The following CSMD1 variants were observed in gnomAD, a reference collection of about 807,000 sequenced individuals.
CSMD1 encodes CUB and sushi domain-containing protein 1.
A neutral mutation model predicts 417.5 loss-of-function variants in CSMD1; 213 were observed. The observed-to-expected ratio is 0.51, with a 90% CI of 0.46 to 0.57. The LOEUF (loss-of-function observed/expected upper bound fraction) is 0.57, where lower values mean the gene tolerates loss of function less well. Among genes scored for constraint, CSMD1 ranks in the 20% least tolerant of loss-of-function variants. CSMD1 has a pLI of 0.00. For missense variants in CSMD1, 6,923 were observed against 4,529.7 expected, an observed-to-expected ratio of 1.53 and a Z score of -15.17; for synonymous variants, 2,862 against 1,736.8, an observed-to-expected ratio of 1.65 and a Z score of -16.11.
At chr8:4,143,473 T>C (rs1803919044) in intron 3 of CSMD1, among the ~76,000 whole-genome samples, 1 of 150,700 alleles carries the variant, frequency 6.6e-6, no homozygotes, top group African/African-American at 2.5e-5. Flanking sequence ...AGGTGTTTAA[T>C]ATATGGCTCA....
At chr8:3,398,493 C>T (rs1307678735) in intron 16 of CSMD1, among the ~76,000 whole-genome samples, 4 of 152,062 alleles carry the variant, frequency 2.6e-5, no homozygotes, top group Non-Finnish European at 4.4e-5. Context: ...AAAACCTTTC[C>T]TGTGTTGATG....
chr8:4,035,978 T>A (rs894460067), intron 3 of CSMD1, among the ~76,000 whole-genome samples: 5 of 151,926 alleles, frequency 3.3e-5, no homozygotes, highest in Admixed American at 6.6e-5. Context: ...AGTGTAACAC[T>A]TTTTTTTATT....
intron 33 of CSMD1, among the ~76,000 whole-genome samples, chr8:3,192,944 A>C (rs561408164): frequency 9.2e-5 from 14 of 152,286 alleles, no homozygotes; most frequent in African/African-American, 3.4e-4. Flanking sequence ...GAAGAAAAAA[A>C]AAAAGATATC....
At chr8:4,937,556 T>C (rs1585366381) in intron 1 of CSMD1, among the ~76,000 whole-genome samples, 1 of 152,194 alleles carries the variant, frequency 6.6e-6, no homozygotes. Flanking sequence ...CAAATTCCTC[T>C]TTCTGTCAGC....
chr8:3,203,605 A>G (rs1585644398), intron 31 of CSMD1, among the ~76,000 whole-genome samples: 1 of 152,008 alleles, frequency 6.6e-6, no homozygotes, highest in Admixed American at 6.6e-5. Flanking sequence ...TTCAGCTAAC[A>G]CTCCGTGGAT....
Position 3,617,685 on chromosome 8 carries a change from T to C in CSMD1, c.1010-888A>G, listed in dbSNP as rs554004419. Among the ~76,000 whole-genome samples, 9 of 152,314 alleles carry C rather than the reference T, an allele frequency of 5.9e-5. No homozygotes were observed. In the East Asian group the frequency reaches 1.5e-3, roughly 26 times the overall value. ...TAATCCAAGGATGGAGACAACAGCA[T>C]GTATGCAACAGAAAAGATGTGTCAA... On this transcript the variant is annotated intron_variant, in intron 7 of 69. Transcript: ENST00000635120.
At chr8:3,630,837 T>A (rs2117251186) in intron 7 of CSMD1, among the ~76,000 whole-genome samples, 1 of 152,262 alleles carries the variant, frequency 6.6e-6, no homozygotes, top group Admixed American at 6.5e-5. Flanking sequence ...TGATCTCAGA[T>A]CCCCACAGGC....
intron 1 of CSMD1, among the ~76,000 whole-genome samples, chr8:4,710,370 CAT>C (rs1421989714): frequency 6.8e-5 from 10 of 147,136 alleles, no homozygotes; most frequent in African/African-American, 2.0e-4. Flanking sequence ...TTTAAATAAA[CAT>C]ATGAAGTAAA....
chr8:3,164,748 G>T (rs944817402), intron 37 of CSMD1, among the ~76,000 whole-genome samples: 1 of 152,076 alleles, frequency 6.6e-6, no homozygotes, highest in Non-Finnish European at 1.5e-5. Context: ...GAAGAATATC[G>T]ATTACAAAAA....
At chr8:3,052,336 T>A in intron 50 of CSMD1, 126 bp downstream of exon 50, 1 of 651,962 alleles carries the variant, frequency 1.5e-6, no homozygotes, top group Non-Finnish European at 2.6e-6. Flanking sequence ...ATTGCTATGA[T>A]GAAAGACACC....
At chr8:3,320,948 A>G (rs1806114299) in intron 23 of CSMD1, among the ~76,000 whole-genome samples, 1 of 152,212 alleles carries the variant, frequency 6.6e-6, no homozygotes, top group Admixed American at 6.5e-5. Flanking sequence ...ATACAAAGCA[A>G]AATGGAGTAC....
At chr8:4,866,625 CA>C (rs1802435746) in intron 1 of CSMD1, among the ~76,000 whole-genome samples, 5 of 151,998 alleles carry the variant, frequency 3.3e-5, no homozygotes, top group Admixed American at 2.6e-4. Flanking sequence ...GTCATAACCT[CA>C]AATGAGATTC....
At chr8:4,103,847 G>C (rs1801428413) in intron 3 of CSMD1, among the ~76,000 whole-genome samples, 1 of 152,146 alleles carries the variant, frequency 6.6e-6, no homozygotes, top group Non-Finnish European at 1.5e-5. Flanking sequence ...CTAACTCCCT[G>C]GCAGCATTGT....
intron 7 of CSMD1, among the ~76,000 whole-genome samples, chr8:3,677,003 C>A (rs373470664): frequency 1.3e-5 from 2 of 150,994 alleles, no homozygotes; most frequent in Non-Finnish European, 2.9e-5. Flanking sequence ...GGGCCTGTTG[C>A]GGGGTTGGGG....
intron 29 of CSMD1, among the ~76,000 whole-genome samples, chr8:3,217,008 G>C (rs983934901): frequency 6.6e-6 from 1 of 152,154 alleles, no homozygotes; most frequent in Admixed American, 6.5e-5. Flanking sequence ...GGATGCAATG[G>C]CATCATTTCT....
In CSMD1 at chr8:3,586,180, G is replaced by C. The variant is rs776655919; in HGVS notation, c.1178C>G (p.Thr393Arg). Residue 393 changes from threonine to arginine, a missense_variant, in exon 9 of 70, where the codon ACA becomes AGA. Physicochemically the swap from Thr to Arg is moderately conservative, Grantham distance 71 (BLOSUM62 -1). Coordinates refer to ENST00000635120, the MANE Select transcript of CSMD1 (RefSeq NM_033225.6). The stretch of plus-strand genomic sequence containing the variant: ...GTCACTCCAAGCAGCGAGCGTCTCT[G>C]TAACTCTCTGACAGGTGATGCTTTT... ...GSKSITCQRV[T>R]ETLAAWSDHR... is the part of the protein sequence containing the mutation. The C allele has an allele frequency of 1.9e-6, 3 of 1,612,594 alleles. No individual in the cohort carries two copies. The highest frequency in any genetic ancestry group is 1.7e-6 in the Non-Finnish European group (2 of 1,179,390).
chr8:4,931,850 G>T (rs1807270989), intron 1 of CSMD1, among the ~76,000 whole-genome samples: 1 of 151,976 alleles, frequency 6.6e-6, no homozygotes, highest in Admixed American at 6.6e-5. Context: ...TATTTTTAGG[G>T]GATTTTCAAA....
chr8:4,446,739 G>GTGTGTGTGTGTGTC (rs1798820405), intron 2 of CSMD1, among the ~76,000 whole-genome samples: 1 of 122,284 alleles, frequency 8.2e-6, no homozygotes, highest in African/African-American at 3.3e-5. Context: ...GTGTCTGTGT[G>GTGTGTGTGTGTGTC]TGTGTGTGTG....
At chr8:3,330,644 G>A (rs73171175) in intron 23 of CSMD1, among the ~76,000 whole-genome samples, 18,585 of 152,084 alleles carry the variant, frequency 0.12, 1,659 homozygotes, top group African/African-American at 0.25. Flanking sequence ...TAACTAATGG[G>A]TACTAGGCTT....
Sources: gnomAD v4.1 joint callset for allele counts (sites outside exome capture counted in the v4.1 genomes callset) on GRCh38, gnomAD v4.1.1 for gene constraint, MANE v1.5 for transcripts, NCBI Gene and HGNC (gene_info 2026-07-23, HGNC 2026-07-21) for gene names.